ARID4B: variants seen among roughly 807,000 people sequenced by gnomAD.
ARID4B encodes AT-rich interactive domain-containing protein 4B.
ARID4B carries 26 observed loss-of-function variants against 147.5 expected under a neutral mutation model. The observed-to-expected ratio is 0.18, with a 90% CI of 0.13 to 0.24. The LOEUF (loss-of-function observed/expected upper bound fraction) is 0.24. Among genes scored for constraint, ARID4B ranks in the 10% least tolerant of loss-of-function variants. ARID4B has a pLI of 1.00. For synonymous variants in ARID4B, 512 were observed against 507.9 expected, an observed-to-expected ratio of 1.01 and a Z score of -0.11; for missense variants, 1,179 against 1,511.5, an observed-to-expected ratio of 0.78 and a Z score of 3.65.
At chr1:235,217,238 G>C (rs1233449671) in intron 16 of ARID4B, among the ~76,000 whole-genome samples, 1 of 151,872 alleles carries the variant, frequency 6.6e-6, no homozygotes, top group African/African-American at 2.4e-5. Context: ...ATAATTACTG[G>C]CAATCAACCA....
At chr1:235,324,366 T>C (rs1005085412) in intron 2 of ARID4B, among the ~76,000 whole-genome samples, 1 of 152,138 alleles carries the variant, frequency 6.6e-6, no homozygotes, top group Non-Finnish European at 1.5e-5. Context: ...TATTAGACAG[T>C]AATGGGAATG....
intron 2 of ARID4B, among the ~76,000 whole-genome samples, chr1:235,312,077 C>G (rs946484575): frequency 6.6e-6 from 1 of 152,004 alleles, no homozygotes; most frequent in Non-Finnish European, 1.5e-5. Flanking sequence ...ATCACGAGCT[C>G]AAGAGATCAA....
intron 19 of ARID4B, among the ~76,000 whole-genome samples, chr1:235,193,103 A>G (rs891598312): frequency 1.7e-4 from 26 of 152,046 alleles, no homozygotes; most frequent in Non-Finnish European, 1.8e-4. Flanking sequence ...CAAAAAAAAA[A>G]AAAAAGCAGT....
chr1:235,204,301 G>A lies in ARID4B; in HGVS notation c.1842-8186C>T, dbSNP rs577154740. On this transcript the variant is annotated intron_variant, in intron 17 of 23. Coordinates refer to ENST00000264183, the MANE Select transcript of ARID4B (RefSeq NM_016374.6). Reference sequence around the variant, plus strand: ...CATGCCACTGCACTCTAGCCTGGGTGACGGAGCGAAACTCCGCTTCAAAAT... The same window carrying A: ...CATGCCACTGCACTCTAGCCTGGGTAACGGAGCGAAACTCCGCTTCAAAAT... Among the ~76,000 whole-genome samples the A allele has an allele frequency of 4.6e-5, 7 of 152,306 alleles. No individual in the cohort carries two copies. In the South Asian group the frequency reaches 1.2e-3, roughly 27 times the overall value.
At chr1:235,206,700 C>A (rs1025377681) in intron 17 of ARID4B, among the ~76,000 whole-genome samples, 2 of 152,066 alleles carry the variant, frequency 1.3e-5, no homozygotes, top group African/African-American at 4.8e-5. Flanking sequence ...TGATAAGGTA[C>A]GTAAGAGGGC....
intron 2 of ARID4B, among the ~76,000 whole-genome samples, chr1:235,294,793 C>T (rs1456737366): frequency 6.6e-6 from 1 of 151,480 alleles, no homozygotes; most frequent in Non-Finnish European, 1.5e-5. Flanking sequence ...GGGTTACAGG[C>T]GCAAGCCACC....
At chr1:235,177,030 A>C (rs1663934962) in intron 21 of ARID4B, 1 of 446,052 alleles carries the variant, frequency 2.2e-6, no homozygotes, top group Admixed American at 2.4e-5. Context: ...AGTCGTTGCT[A>C]AAGTTGGAGC....
At chr1:235,229,521 C>A in intron 10 of ARID4B, 136 bp from the exon 11 acceptor site, 1 of 652,668 alleles carries the variant, frequency 1.5e-6, no homozygotes, top group South Asian at 2.0e-5. Flanking sequence ...GTACCAGAAA[C>A]TGTGTTAAGT....
intron 2 of ARID4B, among the ~76,000 whole-genome samples, chr1:235,302,655 G>A (rs1422560223): frequency 1.3e-5 from 2 of 151,956 alleles, no homozygotes; most frequent in African/African-American, 4.8e-5. Flanking sequence ...AACAATACAC[G>A]TTAGCACTTG....
intron 2 of ARID4B, 57 bp downstream of exon 2, chr1:235,326,857 C>T (rs2103325144): frequency 1.2e-6 from 2 of 1,607,278 alleles, no homozygotes; most frequent in South Asian, 2.2e-5. Flanking sequence ...CTCGTCGAAA[C>T]CTCCTACTTC....
chr1:235,172,958 T>C (rs1369953962), intron 22 of ARID4B, among the ~76,000 whole-genome samples, 194 bp from the exon 23 acceptor site: 1 of 152,196 alleles, frequency 6.6e-6, no homozygotes, highest in Non-Finnish European at 1.5e-5. Context: ...ATGCACAGTA[T>C]TTGTTGAATG....
chr1:235,213,958 T>C lies in ARID4B; in HGVS notation c.1652A>G (p.Glu551Gly), dbSNP rs757190354. The change falls in exon 17 of 24, where the codon GAA becomes GGA. Residue 551 changes from glutamate (E) to glycine (G), a missense_variant. By Grantham distance (98) the Glu-to-Gly change is moderately conservative (BLOSUM62 -2). Around this residue, in one of 10 missense-constraint regions of ARID4B, gnomAD observed 204 missense variants for 210.9 expected, o/e 0.97. Transcript: ENST00000264183. The stretch of plus-strand genomic sequence containing the variant: ...GTCATCATCATCTTCATCCTCTTCT[T>C]CTTCTTCCTCCTCCTCCTCCTCTTC... ...EAEEEEEEEE[E>G]EEDEDDDDNN... 6.9e-6 allele frequency: 11 copies of C among 1,601,324 alleles called. 1 individual carries two copies. In the South Asian group the frequency reaches 1.2e-4, roughly 18 times the overall value.
chr1:235,245,472 CTAAA>C (rs1669242292), intron 7 of ARID4B, among the ~76,000 whole-genome samples: 1 of 151,696 alleles, frequency 6.6e-6, no homozygotes, highest in African/African-American at 2.4e-5. Flanking sequence ...AAAAATATGT[CTAAA>C]TACTAGATGC....
intron 8 of ARID4B, among the ~76,000 whole-genome samples, chr1:235,237,327 C>T (rs755144529): frequency 1.4e-4 from 21 of 152,106 alleles, no homozygotes; most frequent in Non-Finnish European, 2.8e-4. Context: ...CTTATCTCTA[C>T]ATCGGGATAA....
At chr1:235,282,867 G>A (rs1004593047) in intron 2 of ARID4B, among the ~76,000 whole-genome samples, 4 of 152,088 alleles carry the variant, frequency 2.6e-5, no homozygotes, top group African/African-American at 4.8e-5. Context: ...TGCAACCTCC[G>A]CCTACCGGGT....
At chr1:235,191,378 A>G (rs1665096341) in intron 19 of ARID4B, among the ~76,000 whole-genome samples, 1 of 151,678 alleles carries the variant, frequency 6.6e-6, no homozygotes, top group Non-Finnish European at 1.5e-5. Flanking sequence ...CCTCCCAAGT[A>G]GCTGGGATTA....
chr1:235,307,987 T>A (rs1028815437), intron 2 of ARID4B, among the ~76,000 whole-genome samples: 1 of 151,964 alleles, frequency 6.6e-6, no homozygotes, highest in African/African-American at 2.4e-5. Flanking sequence ...AAGCCACCTG[T>A]CCAGCTTGAC....
intron 7 of ARID4B, among the ~76,000 whole-genome samples, chr1:235,242,005 T>TG (rs1669014370): frequency 6.6e-6 from 1 of 151,272 alleles, no homozygotes; most frequent in Non-Finnish European, 1.5e-5. Context: ...CCCAGCACTT[T>TG]GGGAGGCGAA....
intron 4 of ARID4B, 105 bp downstream of exon 4, chr1:235,257,055 T>A (rs1362784716): frequency 1.3e-6 from 1 of 783,870 alleles, no homozygotes; most frequent in African/African-American, 1.7e-5. Flanking sequence ...GAAAATTACA[T>A]ATTGAATTTA....
Sources: gnomAD v4.1 joint callset for allele counts (sites outside exome capture counted in the v4.1 genomes callset) on GRCh38, gnomAD v4.1.1 for gene constraint, gnomAD v4.1.1 regional missense constraint, MANE v1.5 for transcripts, NCBI Gene and HGNC (gene_info 2026-07-23, HGNC 2026-07-21) for gene names.